CERKL: variants seen among roughly 807,000 people sequenced by gnomAD.
CERKL encodes CERK like autophagy regulator, also known as ceramide kinase-like protein.
In CERKL, 61 loss-of-function variants were observed where a neutral mutation model predicts 63.4. That is an observed-to-expected ratio of 0.96 (90% CI 0.78 to 1.19). CERKL has a LOEUF of 1.19. CERKL is among the 50% of genes most tolerant of loss of function. The probability of loss-of-function intolerance (pLI) is 0.00; values close to 1 mark genes in which losing one functional copy is unlikely to be tolerated. For synonymous variants in CERKL, 250 were observed against 230.5 expected, an observed-to-expected ratio of 1.08 and a Z score of -0.77; for missense variants, 675 against 655.5, an observed-to-expected ratio of 1.03 and a Z score of -0.33.
chr2:181,544,028 T>C (rs1687622932), intron 11 of CERKL, among the ~76,000 whole-genome samples: 2 of 148,336 alleles, frequency 1.3e-5, no homozygotes, highest in Admixed American at 6.7e-5. Context: ...TGTGAAACTA[T>C]AGGGTTTTAC....
chr2:181,601,308 C>T (rs1685448990), intron 2 of CERKL, among the ~76,000 whole-genome samples: 1 of 152,064 alleles, frequency 6.6e-6, no homozygotes, highest in Non-Finnish European at 1.5e-5. Flanking sequence ...ACCTGTAATC[C>T]CAGCACTTTG....
chr2:181,566,604 A>G (rs540733890), intron 3 of CERKL, among the ~76,000 whole-genome samples: 2 of 152,310 alleles, frequency 1.3e-5, no homozygotes, highest in East Asian at 1.9e-4. Flanking sequence ...GACTAAAAAG[A>G]GGAAGAGTTG....
intron 12 of CERKL, 27 bp from the exon 13 acceptor site, chr2:181,538,271 A>AACTT (rs1559066059): frequency 4.2e-6 from 6 of 1,432,906 alleles, no homozygotes; most frequent in East Asian, 4.6e-5. Flanking sequence ...TTATTTCATC[A>AACTT]ACTTATTTTG....
rs1473229736 is a variant in CERKL, at chr2:181,603,069, A to AT, written c.481+767dup. On this transcript the variant is annotated intron_variant, in intron 2 of 12. Transcript: ENST00000410087. Reference sequence around the variant, plus strand: ...AGATACACTGAATTCATTAAGAGATATATCCTAATAAACATGTTCTCTTTT... The same window carrying AT: ...AGATACACTGAATTCATTAAGAGATATTATCCTAATAAACATGTTCTCTTTT... 1.2e-5 allele frequency: 3 copies of AT among 246,466 alleles called. No individual in the cohort carries two copies. The Admixed American group carries it at 1.3e-4, about 10-fold the overall frequency. 15.3% of individuals were successfully genotyped at this position (246,466 alleles called of 1,614,324 possible).
At chr2:181,614,158 G>C (rs1559106483) in intron 1 of CERKL, among the ~76,000 whole-genome samples, 1 of 152,158 alleles carries the variant, frequency 6.6e-6, no homozygotes, top group Non-Finnish European at 1.5e-5. Context: ...TTGAGAGAGA[G>C]CTAAAGCAGA....
At chr2:181,551,615 A>C (rs1687991705) in intron 5 of CERKL, among the ~76,000 whole-genome samples, 2 of 152,048 alleles carry the variant, frequency 1.3e-5, no homozygotes, top group African/African-American at 4.8e-5. Context: ...CACTCACACC[A>C]GTCAGAATGG....
intron 1 of CERKL, among the ~76,000 whole-genome samples, chr2:181,629,847 TAAA>T (rs1333930429): frequency 6.6e-6 from 1 of 151,686 alleles, no homozygotes; most frequent in Non-Finnish European, 1.5e-5. Flanking sequence ...ACTTAAAATG[TAAA>T]AAATTACCCA....
In CERKL at chr2:181,548,791, G is replaced by GAGAACCCA. The variant is rs758116997; in HGVS notation, c.954_961dup (p.Ser321LeufsTer77). 4 of 1,613,926 alleles carry GAGAACCCA rather than the reference G, an allele frequency of 2.5e-6. No homozygotes were observed. The Admixed American group carries it at 6.7e-5, about 27-fold the overall frequency. ...TCTTCCACCAAAGCCAAACATGGCT[G>GAGAACCCA]AGAACCCAAAGCGAAGAAGCTTGCC... On this transcript the variant is annotated frameshift_variant, in exon 7 of 13. Transcript: ENST00000410087. LOFTEE classifies it high-confidence loss of function.
intron 2 of CERKL, chr2:181,603,150 C>T (rs1451825292): frequency 3.9e-6 from 1 of 257,676 alleles, no homozygotes; most frequent in Non-Finnish European, 8.4e-6. Context: ...TCTCAATTAC[C>T]AGAGTATAAA....
Position 181,537,933 on chromosome 2 carries a change from T to G in CERKL, c.*251A>C, listed in dbSNP as rs1447021959. 2 of 603,032 alleles carry G rather than the reference T, an allele frequency of 3.3e-6. No individual in the cohort carries two copies. Among genetic ancestry groups the G allele is most frequent in the Non-Finnish European group, 6.2e-6 (2 of 320,646 alleles). 37.4% of individuals were successfully genotyped at this position (603,032 alleles called of 1,614,324 possible). A position where few individuals can be genotyped will look rare whatever the true frequency, so the allele number is the denominator to read the frequency against. On this transcript the variant is annotated 3_prime_UTR_variant, in exon 13 of 13. Coordinates refer to ENST00000410087, the MANE Select transcript of CERKL (RefSeq NM_201548.5). The stretch of plus-strand genomic sequence containing the variant: ...CTGTCAGATCAGCAGCAGCATTAGA[T>G]TCTCATAGAAGTGCGAACCATATGG...
At chr2:181,646,936 G>GA (rs1399477772) in intron 1 of CERKL, among the ~76,000 whole-genome samples, 5 of 151,924 alleles carry the variant, frequency 3.3e-5, no homozygotes, top group South Asian at 2.1e-4. Context: ...GAGCAAGTGA[G>GA]AAAAAAATAA....
chr2:181,654,997 C>T (rs1311746521), intron 1 of CERKL, among the ~76,000 whole-genome samples: 1 of 152,146 alleles, frequency 6.6e-6, no homozygotes, highest in East Asian at 1.9e-4. Context: ...AACAGAAGTA[C>T]TTACTAAGGC....
In CERKL at chr2:181,537,042, G is replaced by T. The variant is rs1559062728; in HGVS notation, c.*1142C>A. ...TGTTCTGAGATTTGCGAAGGCATTTGAGTAGTGAAATGTAAGCACAAAACC... is the reference window on the plus strand; with the variant it reads ...TGTTCTGAGATTTGCGAAGGCATTTTAGTAGTGAAATGTAAGCACAAAACC... On this transcript the variant is annotated 3_prime_UTR_variant, in exon 13 of 13. Coordinates refer to ENST00000410087, the MANE Select transcript of CERKL (RefSeq NM_201548.5). 2 of 444,874 alleles carry T rather than the reference G, an allele frequency of 4.5e-6. No individual in the cohort carries two copies. The highest frequency in any genetic ancestry group is 9.0e-6 in the Non-Finnish European group (2 of 221,868). The allele number at this position is 444,874 out of a possible 1,614,324, so 27.6% of individuals were successfully genotyped here. A position where few individuals can be genotyped will look rare whatever the true frequency, so the allele number is the denominator to read the frequency against.
chr2:181,624,721 G>T (rs1686609870), intron 1 of CERKL, among the ~76,000 whole-genome samples: 1 of 152,170 alleles, frequency 6.6e-6, no homozygotes, highest in Admixed American at 6.5e-5. Flanking sequence ...TTGTTGATAG[G>T]TTGGATGTAG....
intron 4 of CERKL, among the ~76,000 whole-genome samples, chr2:181,560,448 C>G (rs978504352): frequency 6.6e-6 from 1 of 152,104 alleles, no homozygotes; most frequent in African/African-American, 2.4e-5. Context: ...TGTCATAATA[C>G]ATTCTGTGTT....
rs1424650617 is a variant in CERKL at position 181,550,029 on chromosome 2, A to G, written c.821-321T>C. Among the ~76,000 whole-genome samples, 1 of 152,176 alleles carries G rather than the reference A, an allele frequency of 6.6e-6. No homozygotes were observed. The highest frequency in any genetic ancestry group is 1.5e-5 in the Non-Finnish European group (1 of 68,030). On this transcript the variant is annotated intron_variant, in intron 5 of 12. Coordinates refer to ENST00000410087, the MANE Select transcript of CERKL (RefSeq NM_201548.5). This position sits in a 1 kb window ranked among gnomAD's most constrained non-coding sequence, Gnocchi z 4.5. The stretch of plus-strand genomic sequence containing the variant: ...TGCTAGCTATATCAAAGCCCACTCC[A>G]TCCCAACCTTAATGAATGGGTTTTT...
At chr2:181,644,114 AATAAGTCTG>A (rs746373346) in intron 1 of CERKL, among the ~76,000 whole-genome samples, 153 of 152,348 alleles carry the variant, frequency 1.0e-3, no homozygotes, top group Middle Eastern at 3.4e-3. Flanking sequence ...GAAATACGCA[AATAAGTCTG>A]TGGCATCTGT....
Position 181,540,087 on chromosome 2 carries a change from A to G in CERKL, c.1366-823T>C, listed in dbSNP as rs145536357. 4.5e-3 allele frequency among the ~76,000 whole-genome samples: 679 copies of G among 152,294 alleles called. 5 individuals are homozygous for G. The highest frequency in any genetic ancestry group is 0.016 in the African/African-American group (651 of 41,562). ...AGTTTTAAAAGTTGACAGAAAACTA[A>G]TATTTTCCCCAACACCCATATTTTA... On this transcript the variant is annotated intron_variant, in intron 11 of 12. Coordinates refer to ENST00000410087, the MANE Select transcript of CERKL (RefSeq NM_201548.5).
intron 7 of CERKL, 33 bp downstream of exon 7, chr2:181,548,647 G>C: frequency 6.2e-7 from 1 of 1,612,302 alleles, no homozygotes; most frequent in South Asian, 1.1e-5. Flanking sequence ...ATTGAACCTG[G>C]GATACAATTT....
Sources: allele counts gnomAD v4.1 joint callset (sites outside exome capture counted in the v4.1 genomes callset), GRCh38; gene constraint gnomAD v4.1.1; non-coding constraint Gnocchi (gnomAD v3.1); transcripts MANE v1.5; gene names NCBI Gene and HGNC (gene_info 2026-07-23, HGNC 2026-07-21).